The following MBTPS1 variants were observed in gnomAD, a reference collection of about 807,000 sequenced individuals.
The protein encoded by MBTPS1 is membrane-bound transcription factor site-1 protease.
MBTPS1 carries 94 observed loss-of-function variants against 127.8 expected under a neutral mutation model. That is an observed-to-expected ratio of 0.74 (90% CI 0.62 to 0.87). The LOEUF (loss-of-function observed/expected upper bound fraction) is 0.87. MBTPS1 is among the 40% of genes least tolerant of loss of function. MBTPS1 has a pLI of 0.00. For missense variants in MBTPS1, 1,636 were observed against 1,353.2 expected, an observed-to-expected ratio of 1.21 and a Z score of -3.28; for synonymous variants, 632 against 509.4, an observed-to-expected ratio of 1.24 and a Z score of -3.24.
chr16:84,088,039 T>TA (rs1304076234), intron 8 of MBTPS1, among the ~76,000 whole-genome samples: 1 of 152,162 alleles, frequency 6.6e-6, no homozygotes, highest in Non-Finnish European at 1.5e-5. Context: ...TTGAGCTCCT[T>TA]AGAGTCTCTC....
At chr16:84,071,908 G>A (rs918330512) in intron 12 of MBTPS1, 1 of 152,120 alleles carries the variant, frequency 6.6e-6, no homozygotes, top group Non-Finnish European at 1.5e-5. Flanking sequence ...AGAAAAATGG[G>A]CCAACGAAAT....
At chr16:84,089,260 C>T (rs568047049) in intron 8 of MBTPS1, among the ~76,000 whole-genome samples, 2 of 152,256 alleles carry the variant, frequency 1.3e-5, no homozygotes, top group African/African-American at 2.4e-5. Flanking sequence ...ATGGGCCAAA[C>T]CAGGCCCACA....
rs1275235883 is a variant in MBTPS1 at position 84,099,280 on chromosome 16, G to A, written c.194C>T (p.Thr65Ile). ...EYIVAFNGYF[T>I]AKARNSFISS... ...AATAAATGAATTTCTAGCTTTGGCT[G>A]TAAAGTATCCATTGAAAGCCACAAT... Residue 65 changes from threonine to isoleucine, a missense_variant, in exon 3 of 23, where the codon ACA becomes ATA. By Grantham distance (89) the Thr-to-Ile change is moderately conservative (BLOSUM62 -1). Transcript: ENST00000343411. The A allele has an allele frequency of 6.2e-7, 1 of 1,614,008 alleles. No individual in the cohort carries two copies. Among genetic ancestry groups the A allele is most frequent in the Non-Finnish European group, 8.5e-7 (1 of 1,179,966 alleles).
At chr16:84,065,488 A>G (rs2085668199) in intron 18 of MBTPS1, among the ~76,000 whole-genome samples, 1 of 152,208 alleles carries the variant, frequency 6.6e-6, no homozygotes, top group African/African-American at 2.4e-5. Flanking sequence ...GGAAGTAGAC[A>G]ATGGTGATGG....
intron 19 of MBTPS1, 37 bp downstream of exon 19, chr16:84,063,268 G>C: frequency 6.3e-7 from 1 of 1,590,200 alleles, no homozygotes; most frequent in Non-Finnish European, 8.6e-7. Flanking sequence ...AAGGATCTGA[G>C]TGCCGAAGTC....
rs192720057 is a variant in MBTPS1 at position 84,085,117 on chromosome 16, G to A, written c.1152C>T (p.Tyr384=). ...TGACAATGTCAGGTTTCATGCGACC[G>A]TAGCCTCCTGGTAGCTCCTATGAAT... is the stretch of plus-strand genomic sequence containing the variant. ...GMTTWELPGG[Y]GRMKPDIVTY... The change falls in exon 10 of 23, where the codon TAC becomes TAT. Residue 384 remains tyrosine (Y), a synonymous_variant. Transcript: ENST00000343411. 1.7e-4 allele frequency: 270 copies of A among 1,614,144 alleles called. 1 individual carries two copies. In the Admixed American group the frequency reaches 3.7e-3, roughly 22 times the overall value.
intron 17 of MBTPS1, among the ~76,000 whole-genome samples, chr16:84,066,133 A>G (rs1179760819): frequency 6.6e-6 from 1 of 152,238 alleles, no homozygotes; most frequent in African/African-American, 2.4e-5. Flanking sequence ...AAAACCAGCT[A>G]CCAAAACCTT....
At chr16:84,111,571 A>G (rs2086397762) in intron 1 of MBTPS1, among the ~76,000 whole-genome samples, 1 of 151,986 alleles carries the variant, frequency 6.6e-6, no homozygotes, top group Non-Finnish European at 1.5e-5. Flanking sequence ...AAAGCAATCA[A>G]GAGGTTGAGA....
At chr16:84,102,254 G>C (rs1228947905) in intron 1 of MBTPS1, 147 bp from the exon 2 acceptor site, 1 of 153,148 alleles carries the variant, frequency 6.5e-6, no homozygotes, top group African/African-American at 2.4e-5. Context: ...GGCTGAGGTG[G>C]GAAGATCACT....
intron 4 of MBTPS1, 113 bp downstream of exon 4, chr16:84,095,489 C>T: frequency 1.7e-6 from 2 of 1,153,556 alleles, no homozygotes; most frequent in Non-Finnish European, 2.5e-6. Flanking sequence ...GGCTTTAGCA[C>T]TAGGCAGTCC....
intron 18 of MBTPS1, 150 bp downstream of exon 18, chr16:84,065,540 C>T (rs566475602): frequency 1.6e-6 from 1 of 615,440 alleles, no homozygotes; most frequent in Non-Finnish European, 2.8e-6. Context: ...CCGAATTGTA[C>T]ACTTTAAAAG....
intron 7 of MBTPS1, among the ~76,000 whole-genome samples, chr16:84,091,353 G>A (rs1042820496): frequency 6.6e-6 from 1 of 152,038 alleles, no homozygotes; most frequent in Non-Finnish European, 1.5e-5. Flanking sequence ...GGGCATGGTG[G>A]TGTGCACCTG....
intron 12 of MBTPS1, 60 bp from the exon 13 acceptor site, chr16:84,070,836 G>A: frequency 7.3e-7 from 1 of 1,374,390 alleles, no homozygotes; most frequent in Admixed American, 2.3e-5. Context: ...AAAACACGTG[G>A]AAACCAGAAA....
Position 84,093,310 on chromosome 16 carries a change from A to G in MBTPS1, c.737-13T>C. 13 of 1,560,828 alleles carry G rather than the reference A, an allele frequency of 8.3e-6. No homozygotes were observed. Among genetic ancestry groups the G allele is most frequent in the Non-Finnish European group, 1.1e-5 (13 of 1,131,342 alleles). On this transcript the variant is annotated splice_polypyrimidine_tract_variant and intron_variant, in intron 5 of 22. Coordinates refer to ENST00000343411, the MANE Select transcript of MBTPS1 (RefSeq NM_003791.4). ...CCATGGCCCAACCCTGCAGTCCATA[A>G]AGAAAACAATCCCATAAAACACACT...
intron 5 of MBTPS1, 24 bp downstream of exon 5, chr16:84,093,687 G>A (rs752842991): frequency 8.0e-6 from 12 of 1,499,622 alleles, no homozygotes; most frequent in Middle Eastern, 1.7e-4. Context: ...ACATGACCAC[G>A]TTCTCACTGC....
At chr16:84,065,311 G>C (rs951434848) in intron 18 of MBTPS1, among the ~76,000 whole-genome samples, 1 of 152,118 alleles carries the variant, frequency 6.6e-6, no homozygotes, top group Non-Finnish European at 1.5e-5. Context: ...TAGAGACAGG[G>C]TTTCACTGTG....
intron 11 of MBTPS1, among the ~76,000 whole-genome samples, chr16:84,079,597 A>T (rs1300885395): frequency 4.6e-5 from 7 of 152,276 alleles, no homozygotes; most frequent in African/African-American, 1.7e-4. Flanking sequence ...GCTGCTCAGT[A>T]CGTATACACT....
rs902927402 is a variant in MBTPS1 at position 84,116,942 on chromosome 16, T to G, written c.-532A>C. 1.3e-5 allele frequency: 2 copies of G among 152,322 alleles called. No homozygotes were observed. Among genetic ancestry groups the G allele is most frequent in the Non-Finnish European group, 2.9e-5 (2 of 68,028 alleles). The allele number at this position is 152,322 out of a possible 1,614,324, so 9.4% of individuals were successfully genotyped here. A position where few individuals can be genotyped will look rare whatever the true frequency, so the allele number is the denominator to read the frequency against. ...GCTCCCGGGGCTTGCGTGCGCGCTC[T>G]GGACGCCGTGGGCAGCGGGACCACG... On this transcript the variant is annotated 5_prime_UTR_variant, in exon 1 of 23. Coordinates refer to ENST00000343411, the MANE Select transcript of MBTPS1 (RefSeq NM_003791.4).
In MBTPS1 at chr16:84,059,253, G is replaced by T; in HGVS notation, c.2831+49C>A. ...CATTCTCTCCTATAAGAAAAGCAAT[G>T]ACTCACAAGCCCCGTGGAAAGAGTG... On this transcript the variant is annotated intron_variant, in intron 21 of 22. Transcript: ENST00000343411. 3 of 1,568,434 alleles carry T rather than the reference G, an allele frequency of 1.9e-6. No individual in the cohort carries two copies. The South Asian group carries it at 3.5e-5, about 18-fold the overall frequency.
Sources: allele counts gnomAD v4.1 joint callset (sites outside exome capture counted in the v4.1 genomes callset), GRCh38; gene constraint gnomAD v4.1.1; transcripts MANE v1.5; gene names NCBI Gene and HGNC (gene_info 2026-07-23, HGNC 2026-07-21).